SIMC1: variants seen among roughly 807,000 people sequenced by gnomAD.
The protein encoded by SIMC1 is SUMO-interacting motif-containing protein 1.
In SIMC1, 55 loss-of-function variants were observed where a neutral mutation model predicts 82.3. The observed-to-expected ratio is 0.67, with a 90% CI of 0.54 to 0.84. The LOEUF is 0.84. Ranked by LOEUF, SIMC1 falls within the 40% of genes least tolerant of loss-of-function variation. The pLI is 0.00. For missense variants in SIMC1, 915 were observed against 1,107.2 expected (o/e 0.83, Z 2.46); for synonymous variants, 353 against 426.3 (o/e 0.83, Z 2.12).
chr5:176,338,130 T>C (rs1765984756), intron 9 of SIMC1, among the ~76,000 whole-genome samples: 1 of 152,220 alleles, frequency 6.6e-6, no homozygotes, highest in Non-Finnish European at 1.5e-5. Context: ...CAAAAGTTCA[T>C]GACCTGGATC....
intron 5 of SIMC1, among the ~76,000 whole-genome samples, chr5:176,319,204 C>A (rs571450354): frequency 1.3e-5 from 2 of 152,266 alleles, no homozygotes; most frequent in South Asian, 4.2e-4. Flanking sequence ...TCTCTTTTTG[C>A]CAAATGTGCT....
chr5:176,300,535 TG>T (rs1419741712), intron 4 of SIMC1, among the ~76,000 whole-genome samples: 2 of 150,954 alleles, frequency 1.3e-5, no homozygotes, highest in Non-Finnish European at 3.0e-5. Flanking sequence ...TTGCCCAGGC[TG>T]GTCTTGAACT....
rs70991527 is a variant in SIMC1 at position 176,291,330 on chromosome 5, A to AT, written c.1431+399dup. On this transcript the variant is annotated intron_variant, in intron 2 of 9. Transcript: ENST00000429602. Reference sequence around the variant, plus strand: ...AGGCGCATGCCGCCATGCCCGGCTAATTTTTTTTTTTTTTTTTTTTTTTTG... The same window carrying AT: ...AGGCGCATGCCGCCATGCCCGGCTAATTTTTTTTTTTTTTTTTTTTTTTTTG... 5.6e-3 allele frequency among the ~76,000 whole-genome samples: 400 copies of AT among 71,586 alleles called. 4 individuals are homozygous for AT. The highest frequency in any genetic ancestry group is 0.016 in the East Asian group (43 of 2,648). 47.0% of individuals were successfully genotyped at this position (71,586 alleles called of 152,430 possible).
At chr5:176,279,194 G>C (rs553351108) in intron 1 of SIMC1, among the ~76,000 whole-genome samples, 28 of 152,130 alleles carry the variant, frequency 1.8e-4, no homozygotes, top group African/African-American at 2.6e-4. Context: ...TGTATGTGTC[G>C]AGGAATTTAT....
intron 1 of SIMC1, among the ~76,000 whole-genome samples, chr5:176,275,323 G>C (rs932389259): frequency 3.3e-5 from 5 of 151,990 alleles, no homozygotes; most frequent in Admixed American, 2.6e-4. Flanking sequence ...CATTGATTTT[G>C]TATCCTGAGA....
intron 7 of SIMC1, among the ~76,000 whole-genome samples, chr5:176,328,599 A>C (rs879468283): frequency 1.3e-5 from 2 of 152,212 alleles, no homozygotes; most frequent in African/African-American, 4.8e-5. Context: ...AATAACTCTC[A>C]CAAGTTTAGC....
Position 176,290,404 on chromosome 5 carries a change from C to G in SIMC1, c.880C>G (p.Gln294Glu). 6.2e-7 allele frequency: 1 copy of G among 1,613,970 alleles called. No individual in the cohort carries two copies. Among genetic ancestry groups the G allele is most frequent in the Non-Finnish European group, 8.5e-7 (1 of 1,179,864 alleles). ...GLPQDVPGLP[Q>E]SILHPQDVAY... ...ACCTCAAGATGTGCCAGGGCTGCCT[C>G]AAAGCATATTACATCCACAAGATGT... The change falls in exon 2 of 10, where the codon CAA (glutamine) becomes GAA (glutamate). Residue 294 changes from glutamine (Q) to glutamate (E), a missense_variant. This residue lies in a region of SIMC1 where 902 missense variants were observed against 1,040.3 expected (regional missense o/e 0.87). Coordinates refer to ENST00000429602, the MANE Select transcript of SIMC1 (RefSeq NM_001308195.2).
At chr5:176,305,861 G>A (rs1440120144) in intron 4 of SIMC1, among the ~76,000 whole-genome samples, 10 of 75,700 alleles carry the variant, frequency 1.3e-4, no homozygotes, top group African/African-American at 5.6e-4. Context: ...GGTGGGGGGG[G>A]TCAGCCCCCC....
At chr5:176,263,414 C>T (rs1377380412) in intron 1 of SIMC1, 3 of 1,536,736 alleles carry the variant, frequency 2.0e-6, no homozygotes, top group Non-Finnish European at 1.8e-6. Context: ...CATAATTCTG[C>T]AGGCTGAACA....
chr5:176,288,126 G>C (rs1763378142), intron 1 of SIMC1, among the ~76,000 whole-genome samples: 1 of 152,196 alleles, frequency 6.6e-6, no homozygotes, highest in South Asian at 2.1e-4. Flanking sequence ...GTTTTAAATA[G>C]TCCAGGCACA....
At chr5:176,253,738 C>T (rs1761765414) in intron 1 of SIMC1, among the ~76,000 whole-genome samples, 1 of 152,144 alleles carries the variant, frequency 6.6e-6, no homozygotes, top group African/African-American at 2.4e-5. Context: ...TTCCTATCAC[C>T]TCAAAGTGCT....
intron 1 of SIMC1, among the ~76,000 whole-genome samples, chr5:176,262,811 A>G (rs533917022): frequency 1.1e-4 from 17 of 152,190 alleles, no homozygotes; most frequent in Non-Finnish European, 2.1e-4. Context: ...TCTCAAAAAA[A>G]GAAAAAGTAT....
chr5:176,250,330 CTG>C (rs1561670385), intron 1 of SIMC1, among the ~76,000 whole-genome samples: 1 of 152,050 alleles, frequency 6.6e-6, no homozygotes, highest in Non-Finnish European at 1.5e-5. Context: ...GTCTGAGAGA[CTG>C]TTATGATTTC....
intron 7 of SIMC1, among the ~76,000 whole-genome samples, chr5:176,327,936 T>G (rs1581320402): frequency 6.6e-6 from 1 of 152,238 alleles, no homozygotes; most frequent in East Asian, 1.9e-4. Flanking sequence ...ATAAAAACCC[T>G]ACTTGGTTGT....
At position 176,291,006 on chromosome 5, in the gene SIMC1, G is replaced by A. The variant is rs1264370935; in HGVS notation, c.1431+51G>A. ...TTAGGTGTCCTTTCCCTAGGCCTAG[G>A]AGAAGGTCAGTGTGACTGGAGTCCA... On this transcript the variant is annotated intron_variant, in intron 2 of 9. Transcript: ENST00000429602. 3 of 1,300,398 alleles carry A rather than the reference G, an allele frequency of 2.3e-6. No individual in the cohort carries two copies. The African/African-American group carries it at 4.5e-5, about 20-fold the overall frequency. 80.6% of individuals were successfully genotyped at this position (1,300,398 alleles called of 1,614,324 possible).
chr5:176,313,483 A>T (rs1202845267), intron 4 of SIMC1: 1 of 1,552,546 alleles, frequency 6.4e-7, no homozygotes, highest in East Asian at 2.4e-5. Flanking sequence ...AAACCTTATA[A>T]GGTATGATTT....
chr5:176,328,495 T>C, intron 7 of SIMC1, among the ~76,000 whole-genome samples: 1 of 152,074 alleles, frequency 6.6e-6, no homozygotes, highest in East Asian at 1.9e-4. Flanking sequence ...CTGTAAACAC[T>C]TTTTAGAGTC....
At chr5:176,340,310 C>A (rs1223417480) in intron 9 of SIMC1, among the ~76,000 whole-genome samples, 3 of 152,064 alleles carry the variant, frequency 2.0e-5, no homozygotes, top group Non-Finnish European at 2.9e-5. Flanking sequence ...GAGAATCAAT[C>A]CCCCCCACCC....
chr5:176,343,302 C>G (rs1447785317), intron 9 of SIMC1, among the ~76,000 whole-genome samples: 1 of 152,128 alleles, frequency 6.6e-6, no homozygotes, highest in Non-Finnish European at 1.5e-5. Flanking sequence ...GTGCCATCAT[C>G]CCCGTTTGAT....
Sources: allele counts gnomAD v4.1 joint callset (sites outside exome capture counted in the v4.1 genomes callset), GRCh38; gene constraint gnomAD v4.1.1; regional missense constraint gnomAD v4.1.1; transcripts MANE v1.5; gene names NCBI Gene and HGNC (gene_info 2026-07-23, HGNC 2026-07-21).